Variants in RAP1GAP2 observed in about 807,000 individuals in gnomAD.
The protein encoded by RAP1GAP2 is RAP1 GTPase activating protein 2, also known as rap1 GTPase-activating protein 2.
Under a neutral mutation model 95.0 loss-of-function variants are expected in RAP1GAP2, and 27 were observed. The observed-to-expected ratio is 0.28, with a 90% CI of 0.21 to 0.39. RAP1GAP2 has a LOEUF of 0.39. Among genes scored for constraint, RAP1GAP2 ranks in the 10% least tolerant of loss-of-function variants. RAP1GAP2 has a pLI of 1.00. For synonymous variants in RAP1GAP2, 373 were observed against 380.9 expected, an observed-to-expected ratio of 0.98 and a Z score of 0.24; for missense variants, 771 against 970.0, an observed-to-expected ratio of 0.79 and a Z score of 2.72.
intron 19 of RAP1GAP2, among the ~76,000 whole-genome samples, chr17:3,022,324 A>G (rs1388420860): frequency 1.8e-4 from 27 of 152,246 alleles, no homozygotes; most frequent in Non-Finnish European, 1.5e-5. Flanking sequence ...GGAATGTAAA[A>G]TAGTGCAACT....
At chr17:2,939,696 G>C (rs1040904108) in intron 3 of RAP1GAP2, among the ~76,000 whole-genome samples, 38 of 152,216 alleles carry the variant, frequency 2.5e-4, no homozygotes, top group African/African-American at 8.9e-4. Flanking sequence ...GGCAGGGATG[G>C]AGGGGGGAGG....
At chr17:3,030,086 TTATAGATACACATAA>T (rs1037205680) in intron 22 of RAP1GAP2, among the ~76,000 whole-genome samples, 2 of 147,922 alleles carry the variant, frequency 1.4e-5, no homozygotes, top group African/African-American at 4.9e-5. Flanking sequence ...TATACATATG[TTATAGATACACATAA>T]TATACATATA....
At chr17:2,845,484 A>G (rs117084870) in intron 2 of RAP1GAP2, among the ~76,000 whole-genome samples, 1,904 of 152,306 alleles carry the variant, frequency 0.013, 45 homozygotes, top group Non-Finnish European at 0.011. Flanking sequence ...CCATCCTGAT[A>G]TAGAACATTT....
rs951084720 is a variant in RAP1GAP2 at position 2,866,952 on chromosome 17, G to C, written c.81-38332G>C. On this transcript the variant is annotated intron_variant, in intron 2 of 24. Coordinates refer to ENST00000254695, the MANE Select transcript of RAP1GAP2 (RefSeq NM_015085.5). The surrounding 1 kb of genome is among the most constrained non-coding windows in gnomAD (Gnocchi z 4.0). ...GTCTCACTCTGTCACCCAGGCTGGA[G>C]TGCAGTGGTACAATCTCGGCTCACT... is the stretch of plus-strand genomic sequence containing the variant. 2.0e-5 allele frequency among the ~76,000 whole-genome samples: 3 copies of C among 151,908 alleles called. No homozygotes were observed. Among genetic ancestry groups the C allele is most frequent in the Admixed American group, 6.6e-5 (1 of 15,212 alleles).
rs575224742 is a variant in RAP1GAP2, at chr17:2,918,354, A to G, written c.165+12986A>G. Among the ~76,000 whole-genome samples, 60 of 148,264 alleles carry G rather than the reference A, an allele frequency of 4.0e-4. 1 individual carries two copies. The highest frequency in any genetic ancestry group is 3.7e-3 in the Middle Eastern group (1 of 270). ...AGGCTGAGGCAGGAGAATCACTTGAACCTGGGAGGTGGAGGTTGCAGTGAG... is the reference window on the plus strand; with the variant it reads ...AGGCTGAGGCAGGAGAATCACTTGAGCCTGGGAGGTGGAGGTTGCAGTGAG... On this transcript the variant is annotated intron_variant, in intron 3 of 24. Transcript: ENST00000254695.
intron 2 of RAP1GAP2, among the ~76,000 whole-genome samples, chr17:2,894,684 G>C (rs901434632): frequency 6.6e-6 from 1 of 152,104 alleles, no homozygotes; most frequent in African/African-American, 2.4e-5. Flanking sequence ...TGAAGCGTCC[G>C]TCATTCTGTT....
At chr17:2,755,916 TC>T in intron 1 of RAP1GAP2, 1 of 284,224 alleles carries the variant, frequency 3.5e-6, no homozygotes, top group East Asian at 5.6e-5. Flanking sequence ...GGCTGCCTGG[TC>T]CCCACCACCC....
intron 3 of RAP1GAP2, among the ~76,000 whole-genome samples, chr17:2,923,865 A>T (rs1361410354): frequency 6.6e-6 from 1 of 152,238 alleles, no homozygotes; most frequent in African/African-American, 2.4e-5. Context: ...GGCATCATAC[A>T]CATAGATAGA....
At chr17:2,780,501 T>C (rs1416622260) in intron 1 of RAP1GAP2, among the ~76,000 whole-genome samples, 2 of 152,238 alleles carry the variant, frequency 1.3e-5, no homozygotes, top group Non-Finnish European at 2.9e-5. Context: ...CCTGTTGCCA[T>C]GGTGGCATGG....
rs116891571 is a variant in RAP1GAP2, at chr17:2,938,714, C to T, written c.166-19045C>T. Among the ~76,000 whole-genome samples, 427 of 152,192 alleles carry T rather than the reference C, an allele frequency of 2.8e-3. 12 individuals carry two copies. The East Asian group carries it at 0.052, about 19-fold the overall frequency. ...AAAAAAATAAATATCTGGCTGGGTG[C>T]GGTGGCTTATGCCTGTAATCCCAGC... On this transcript the variant is annotated intron_variant, in intron 3 of 24. Transcript: ENST00000254695.
rs939504205 is a variant in RAP1GAP2, at chr17:2,992,856, A to C, written c.914+1459A>C. On this transcript the variant is annotated intron_variant, in intron 12 of 24. Coordinates refer to ENST00000254695, the MANE Select transcript of RAP1GAP2 (RefSeq NM_015085.5). The stretch of plus-strand genomic sequence containing the variant: ...TAAAACCCCCGCTCCATCACTTATT[A>C]GCTCTGTGACTTTGGATAAGTGACT... 3.3e-5 allele frequency among the ~76,000 whole-genome samples: 5 copies of C among 151,974 alleles called. No homozygotes were observed. The East Asian group carries it at 9.7e-4, about 29-fold the overall frequency.
chr17:2,854,396 C>T (rs988439214), intron 2 of RAP1GAP2, among the ~76,000 whole-genome samples: 1 of 152,236 alleles, frequency 6.6e-6, no homozygotes, highest in Non-Finnish European at 1.5e-5. Flanking sequence ...ACCGCGACCC[C>T]GTTCCCCAAG....
chr17:2,761,029 A>G (rs185955929), intron 1 of RAP1GAP2, among the ~76,000 whole-genome samples: 4 of 151,368 alleles, frequency 2.6e-5, no homozygotes, highest in Non-Finnish European at 5.9e-5. Flanking sequence ...ATCTCTGCAC[A>G]CTGCAACCTC....
chr17:2,880,849 A>G (rs1270442814), intron 2 of RAP1GAP2, among the ~76,000 whole-genome samples: 3 of 152,170 alleles, frequency 2.0e-5, no homozygotes, highest in African/African-American at 7.2e-5. Context: ...TGCCGAGGTC[A>G]GGCACGGTGG....
In RAP1GAP2 at chr17:2,902,465, C is replaced by T. The variant is rs529915089; in HGVS notation, c.81-2819C>T. 2.0e-5 allele frequency among the ~76,000 whole-genome samples: 3 copies of T among 152,260 alleles called. No individual in the cohort carries two copies. Among genetic ancestry groups the T allele is most frequent in the South Asian group, 2.1e-4 (1 of 4,818 alleles). ...CTCCTGACCTCAAGTGATCCACCCC[C>T]GTCTCAGCCTCCCAAAATGGTGGGA... On this transcript the variant is annotated intron_variant, in intron 2 of 24. Coordinates refer to ENST00000254695, the MANE Select transcript of RAP1GAP2 (RefSeq NM_015085.5). The surrounding 1 kb of genome is among the most constrained non-coding windows in gnomAD (Gnocchi z 4.1).
In RAP1GAP2 at chr17:2,810,042, A is replaced by G. The variant is rs940931316; in HGVS notation, c.80+9492A>G. Among the ~76,000 whole-genome samples the G allele has an allele frequency of 1.8e-4, 13 of 72,448 alleles. 1 individual carries two copies. Among genetic ancestry groups the G allele is most frequent in the Non-Finnish European group, 2.2e-4 (8 of 35,932 alleles). 47.5% of individuals were successfully genotyped at this position (72,448 alleles called of 152,430 possible). On this transcript the variant is annotated intron_variant, in intron 2 of 24. Coordinates refer to ENST00000254695, the MANE Select transcript of RAP1GAP2 (RefSeq NM_015085.5). Reference sequence around the variant, plus strand: ...CCCTCCCCTCCCCCCGCCCCACCCCAGGAGTTCCTTCCTCTGCCTCTGAGA... The same window carrying G: ...CCCTCCCCTCCCCCCGCCCCACCCCGGGAGTTCCTTCCTCTGCCTCTGAGA...
Position 2,797,769 on chromosome 17 carries a change from C to T in RAP1GAP2, c.44+1198C>T, listed in dbSNP as rs985148997. The stretch of plus-strand genomic sequence containing the variant: ...CCTCCCTGACGCCTGGATCTGGGAG[C>T]TGCCACCCCGAGGGTAGGTGCCAGT... On this transcript the variant is annotated intron_variant, in intron 1 of 24. Transcript: ENST00000254695. The surrounding 1 kb of genome is among the most constrained non-coding windows in gnomAD (Gnocchi z 5.6). 8.1e-6 allele frequency: 8 copies of T among 985,246 alleles called. No homozygotes were observed. Among genetic ancestry groups the T allele is most frequent in the Non-Finnish European group, 9.6e-6 (8 of 829,920 alleles). The allele number at this position is 985,246 out of a possible 1,614,324, so 61.0% of individuals were successfully genotyped here.
chr17:2,922,405 C>G (rs548495210), intron 3 of RAP1GAP2, among the ~76,000 whole-genome samples: 2 of 152,336 alleles, frequency 1.3e-5, no homozygotes, highest in East Asian at 1.9e-4. Flanking sequence ...AGGTTACACA[C>G]TCAGGTTCCT....
chr17:2,926,156 A>G (rs1392077912), intron 3 of RAP1GAP2, among the ~76,000 whole-genome samples: 1 of 150,664 alleles, frequency 6.6e-6, no homozygotes, highest in Admixed American at 6.6e-5. Context: ...GAACCTGGTC[A>G]GAGCAGAGCA....
Sources: allele counts gnomAD v4.1 joint callset (sites outside exome capture counted in the v4.1 genomes callset), GRCh38; gene constraint gnomAD v4.1.1; non-coding constraint Gnocchi (gnomAD v3.1); transcripts MANE v1.5; gene names NCBI Gene and HGNC (gene_info 2026-07-23, HGNC 2026-07-21).